GOSR2: variants seen among roughly 807,000 people sequenced by gnomAD.
GOSR2 encodes 27 kDa Golgi SNARE protein.
Under a neutral mutation model 27.9 loss-of-function variants are expected in GOSR2, and 20 were observed. The observed-to-expected ratio is 0.72, with a 90% CI of 0.50 to 1.04. GOSR2 has a LOEUF of 1.04. GOSR2 is among the 50% of genes least tolerant of loss of function. GOSR2 has a pLI of 0.00. For synonymous variants in GOSR2, 91 were observed against 98.8 expected, an observed-to-expected ratio of 0.92 and a Z score of 0.47; for missense variants, 261 against 270.5, an observed-to-expected ratio of 0.97 and a Z score of 0.25.
Position 46,939,001 on chromosome 17 carries a change from C to G in GOSR2, c.*241C>G, listed in dbSNP as rs761117888. 3 of 1,351,492 alleles carry G rather than the reference C, an allele frequency of 2.2e-6. No homozygotes were observed. Among genetic ancestry groups the G allele is most frequent in the Non-Finnish European group, 2.9e-6 (3 of 1,039,458 alleles). 83.7% of individuals were successfully genotyped at this position (1,351,492 alleles called of 1,614,324 possible). On this transcript the variant is annotated 3_prime_UTR_variant, in exon 6 of 6. Coordinates refer to ENST00000640051, the MANE Select transcript of GOSR2 (RefSeq NM_004287.5). ...GAAATGAAAGAAGTCCCGGGTCTGT[C>G]TCTCTCACTCTCGCTCTCACTGGGG...
chr17:46,965,628 T>TTTGTTCTTTG (rs10693310), intron 6 of GOSR2, among the ~76,000 whole-genome samples: 67,180 of 151,774 alleles, frequency 0.44, 15,182 homozygotes, highest in South Asian at 0.52. Context: ...ATGCCTTCTC[T>TTTGTTCTTTG]TTCTTTTTTT....
chr17:46,935,280 A>G lies in GOSR2; in HGVS notation c.477+111A>G, dbSNP rs754744737. ...CGTGTCCTCAAATTGTGATATTTTG[A>G]TGACAAGACAGAGCCCTTGAGTTTG... On this transcript the variant is annotated intron_variant, in intron 5 of 5. Transcript: ENST00000640051. 8 of 1,594,380 alleles carry G rather than the reference A, an allele frequency of 5.0e-6. No homozygotes were observed. The Admixed American group carries it at 1.4e-4, about 27-fold the overall frequency.
intron 6 of GOSR2, among the ~76,000 whole-genome samples, chr17:46,960,162 A>C (rs1393804474): frequency 6.6e-6 from 1 of 152,224 alleles, no homozygotes; most frequent in African/African-American, 2.4e-5. Context: ...AAGCTCAACA[A>C]TAAGAAAACA....
At chr17:46,946,724 A>G (rs1029952910), downstream of GOSR2, among the ~76,000 whole-genome samples, 2 of 151,138 alleles carry the variant, frequency 1.3e-5, no homozygotes, top group Admixed American at 1.3e-4. Context: ...CTAGCCAGGC[A>G]AGTTGGTGTG....
chr17:46,923,898 T>G (rs1271028693), intron 1 of GOSR2: 1 of 395,980 alleles, frequency 2.5e-6, no homozygotes, highest in East Asian at 3.6e-5. Context: ...CTTACCCTAT[T>G]TTTGGGGGCG....
In GOSR2 at chr17:46,940,687, G is replaced by C. The variant is rs1035492845; in HGVS notation, c.*1927G>C. The C allele has an allele frequency of 1.2e-6, 2 of 1,610,954 alleles. No homozygotes were observed. Among genetic ancestry groups the C allele is most frequent in the Non-Finnish European group, 1.7e-6 (2 of 1,179,770 alleles). ...GCGTGGACTGATAGGACATCTTTTC[G>C]TGGTGTGCACCAGTGCTTTCCACAC... On this transcript the variant is annotated 3_prime_UTR_variant, in exon 6 of 6. Transcript: ENST00000640051.
Position 46,940,234 on chromosome 17 carries a change from G to T in GOSR2, c.*1474G>T. On this transcript the variant is annotated 3_prime_UTR_variant, in exon 6 of 6. Transcript: ENST00000640051. ...TGTCATAGATTAACTGAGTTTCCTG[G>T]ATGCTAATTTCACACTTTCGGTTGG... is the stretch of plus-strand genomic sequence containing the variant. 36 of 1,420,698 alleles carry T rather than the reference G, an allele frequency of 2.5e-5. No individual in the cohort carries two copies. The highest frequency in any genetic ancestry group is 3.3e-5 in the Non-Finnish European group (36 of 1,091,858). 88.0% of individuals were successfully genotyped at this position (1,420,698 alleles called of 1,614,324 possible). A position where few individuals can be genotyped will look rare whatever the true frequency, so the allele number is the denominator to read the frequency against.
chr17:46,952,646 GA>G (rs2090446024), intron 6 of GOSR2: 1 of 152,164 alleles, frequency 6.6e-6, no homozygotes, highest in African/African-American at 2.4e-5. Context: ...ATCTTAACCT[GA>G]AGGCTTTTAT....
rs758391 is a variant in GOSR2 at position 46,939,875 on chromosome 17, G to A, written c.*1115G>A. The A allele has an allele frequency of 0.45, 441,347 of 990,458 alleles. 99,907 individuals are homozygous for A. Among genetic ancestry groups the A allele is most frequent in the Non-Finnish European group, 0.46 (383,874 of 831,520 alleles). The allele number at this position is 990,458 out of a possible 1,614,324, so 61.4% of individuals were successfully genotyped here. On this transcript the variant is annotated 3_prime_UTR_variant, in exon 6 of 6. Coordinates refer to ENST00000640051, the MANE Select transcript of GOSR2 (RefSeq NM_004287.5). ...TCTGTCCTGAAGTCCATCTAATGTG[G>A]TGAATCACTGAAAGTCTCAGAAAGA...
intron 6 of GOSR2, among the ~76,000 whole-genome samples, chr17:46,953,002 C>A (rs960505957): frequency 2.0e-5 from 3 of 151,898 alleles, no homozygotes; most frequent in Admixed American, 2.0e-4. Flanking sequence ...CTCTGAGCCC[C>A]CCAAATTCTT....
At chr17:46,935,460 C>T in intron 5 of GOSR2, 1 of 1,381,966 alleles carries the variant, frequency 7.2e-7, no homozygotes, top group Non-Finnish European at 9.3e-7. Flanking sequence ...TACGAGGGGT[C>T]CAATCACAGG....
intron 3 of GOSR2, chr17:46,931,721 C>A: frequency 2.7e-6 from 1 of 364,816 alleles, no homozygotes; most frequent in African/African-American, 2.1e-5. Context: ...CTCAAAGATG[C>A]CCTTGGGCTT....
chr17:46,940,615 C>A lies in GOSR2; in HGVS notation c.*1855C>A. The A allele has an allele frequency of 6.2e-7, 1 of 1,614,110 alleles. No homozygotes were observed. The highest frequency in any genetic ancestry group is 8.5e-7 in the Non-Finnish European group (1 of 1,180,020). Reference sequence around the variant, plus strand: ...GGAAGGTCTGCAGGGAGCAGCTGAGCCATTTGTTCTTGAACTCTGGGAGGC... The same window carrying A: ...GGAAGGTCTGCAGGGAGCAGCTGAGACATTTGTTCTTGAACTCTGGGAGGC... On this transcript the variant is annotated 3_prime_UTR_variant, in exon 6 of 6. Coordinates refer to ENST00000640051, the MANE Select transcript of GOSR2 (RefSeq NM_004287.5).
At chr17:46,932,316 A>AC (rs750534730) in intron 4 of GOSR2, 117 bp downstream of exon 4, 7 of 1,192,564 alleles carry the variant, frequency 5.9e-6, no homozygotes, top group Non-Finnish European at 7.4e-6. Context: ...TGATGAGGAA[A>AC]CCAACTGGAA....
chr17:46,966,619 G>C, exon 7 of GOSR2: 5 of 678,874 alleles, frequency 7.4e-6, no homozygotes, highest in Non-Finnish European at 1.1e-5. Flanking sequence ...GAAGTGCTGG[G>C]ATTATAGGTA....
Position 46,940,530 on chromosome 17 carries a change from A to T in GOSR2, c.*1770A>T, listed in dbSNP as rs755660289. 1 of 1,614,070 alleles carries T rather than the reference A, an allele frequency of 6.2e-7. No individual in the cohort carries two copies. Among genetic ancestry groups the T allele is most frequent in the Non-Finnish European group, 8.5e-7 (1 of 1,179,984 alleles). ...CCATAAAATGGATTCTGAGACTGCG[A>T]CGGCAAGGCTGTCCTGTCCCCCAGG... On this transcript the variant is annotated 3_prime_UTR_variant, in exon 6 of 6. Coordinates refer to ENST00000640051, the MANE Select transcript of GOSR2 (RefSeq NM_004287.5).
In GOSR2 at chr17:46,953,250, A is replaced by T. The variant is rs576109264; in HGVS notation, c.584-13284A>T. Among the ~76,000 whole-genome samples, 233 of 148,390 alleles carry T rather than the reference A, an allele frequency of 1.6e-3. 1 individual carries two copies. The highest frequency in any genetic ancestry group is 5.5e-3 in the African/African-American group (219 of 40,106). ...GTGTGATGTTCCCCTTCCTGTGTCC[A>T]TGTGTTCTCATTGTTCAATTCCCAC... On this transcript the variant is annotated intron_variant, in intron 6 of 6. Transcript: ENST00000573224.
chr17:46,952,748 T>C (rs980581780), intron 6 of GOSR2: 2 of 152,170 alleles, frequency 1.3e-5, no homozygotes, highest in Non-Finnish European at 2.9e-5. Context: ...GCAATATCAG[T>C]TAAGTCCCTG....
At chr17:46,970,377 C>G (rs544421317), downstream of GOSR2, among the ~76,000 whole-genome samples, 14 of 152,150 alleles carry the variant, frequency 9.2e-5, no homozygotes, top group South Asian at 2.9e-3. Context: ...CCTGTCTCTA[C>G]TAAAAATGCA....
Sources: allele counts gnomAD v4.1 joint callset (sites outside exome capture counted in the v4.1 genomes callset), GRCh38; gene constraint gnomAD v4.1.1; transcripts MANE v1.5; gene names NCBI Gene and HGNC (gene_info 2026-07-23, HGNC 2026-07-21).